The following TF variants were observed in gnomAD, a reference collection of about 807,000 sequenced individuals.
The protein encoded by TF is transferrin, also known as serotransferrin.
TF carries 55 observed loss-of-function variants against 82.4 expected under a neutral mutation model. That is an observed-to-expected ratio of 0.67 (90% CI 0.54 to 0.84). TF has a LOEUF of 0.84. TF is among the 40% of genes least tolerant of loss of function. The probability of loss-of-function intolerance (pLI) is 0.00; values close to 1 mark genes in which losing one functional copy is unlikely to be tolerated. For synonymous variants in TF, 332 were observed against 332.6 expected, an observed-to-expected ratio of 1.00 and a Z score of 0.02; for missense variants, 737 against 868.4, an observed-to-expected ratio of 0.85 and a Z score of 1.90.
chr3:133,731,856 A>C, the TF span, among the ~76,000 whole-genome samples: 1 of 152,196 alleles, frequency 6.6e-6, no homozygotes, highest in African/African-American at 2.4e-5. Flanking sequence ...CTCCAATCCC[A>C]TGCCCATTTT....
Position 133,781,671 on chromosome 3 carries a change from T to A in TF, c.*3051T>A, listed in dbSNP as rs1282474304. ...AACTAAAAAACAAAAGTGAGACAGA[T>A]AAGAAAAATTCTGATGAGAGTGGAA... On this transcript the variant is annotated 3_prime_UTR_variant, in exon 17 of 17. Coordinates refer to ENST00000402696, the MANE Select transcript of TF (RefSeq NM_001063.4). 6.6e-6 allele frequency: 1 copy of A among 152,110 alleles called. No homozygotes were observed. The highest frequency in any genetic ancestry group is 6.5e-5 in the Admixed American group (1 of 15,280). The allele number at this position is 152,110 out of a possible 1,614,324, so 9.4% of individuals were successfully genotyped here.
intron 8 of TF, 72 bp from the exon 9 acceptor site, chr3:133,759,103 G>T: frequency 6.3e-7 from 1 of 1,586,984 alleles, no homozygotes; most frequent in South Asian, 1.1e-5. Context: ...CATGAAGACA[G>T]TGAGTAGTGC....
chr3:133,712,565 G>A, the TF span: 3 of 152,366 alleles, frequency 2.0e-5, no homozygotes, highest in African/African-American at 7.3e-5. Context: ...AACTGAATGT[G>A]TCTTTATCAG....
intron 3 of TF, chr3:133,753,955 C>A (rs1576357147): frequency 1.7e-6 from 1 of 587,852 alleles, no homozygotes; most frequent in East Asian, 2.9e-5. Context: ...AGAAACACAG[C>A]AGGCTGTGTG....
rs539632415 is a variant in TF, at chr3:133,768,895, C to T, written c.1622+731C>T. Among the ~76,000 whole-genome samples, 10 of 148,868 alleles carry T rather than the reference C, an allele frequency of 6.7e-5. No homozygotes were observed. The East Asian group carries it at 8.0e-4, about 12-fold the overall frequency. On this transcript the variant is annotated intron_variant, in intron 13 of 16. Coordinates refer to ENST00000402696, the MANE Select transcript of TF (RefSeq NM_001063.4). ...GCAGCCTCAACCTGCTGAGCTCAAG[C>T]GATCCTCCCACCTCAGCCTCCCTAG...
At chr3:133,755,246 G>T (rs1933791653) in intron 4 of TF, 117 bp from the exon 5 acceptor site, 38 of 1,319,262 alleles carry the variant, frequency 2.9e-5, no homozygotes, top group Non-Finnish European at 3.6e-5. Context: ...AGCTGGGGCT[G>T]CATGTGCTGG....
chr3:133,718,003 G>T, the TF span, among the ~76,000 whole-genome samples: 1 of 152,020 alleles, frequency 6.6e-6, no homozygotes, highest in African/African-American at 2.4e-5. Flanking sequence ...CCAAGAACTG[G>T]CCCCTGTGCT....
At chr3:133,666,853 A>G in the TF span, among the ~76,000 whole-genome samples, 35 of 152,084 alleles carry the variant, frequency 2.3e-4, no homozygotes, top group African/African-American at 8.0e-4. Flanking sequence ...TGGCTAACAC[A>G]GTGAAACCTC....
chr3:133,743,606 G>C (rs1933433944), upstream of TF, among the ~76,000 whole-genome samples: 1 of 152,052 alleles, frequency 6.6e-6, no homozygotes, highest in South Asian at 2.1e-4. Flanking sequence ...CAGTTTCCTT[G>C]TCTCATCTGT....
At chr3:133,759,851 C>T (rs368840909) in intron 9 of TF, among the ~76,000 whole-genome samples, 1 of 151,928 alleles carries the variant, frequency 6.6e-6, no homozygotes, top group African/African-American at 2.4e-5. Context: ...AAGAATATTC[C>T]ATGTTGGCTT....
the TF span, among the ~76,000 whole-genome samples, chr3:133,668,204 C>T: frequency 6.6e-6 from 1 of 152,154 alleles, no homozygotes. Flanking sequence ...CTTTCTGAAC[C>T]CAACCAGAAA....
Position 133,779,326 on chromosome 3 carries a change from T to C in TF, c.*706T>C, listed in dbSNP as rs1162535322. ...GAGGCTGACTTTTCTGTCTCACTTA[T>C]TATTGGCTGAACATACAGAATTTGG... On this transcript the variant is annotated 3_prime_UTR_variant, in exon 17 of 17. Transcript: ENST00000402696. 6.6e-6 allele frequency: 1 copy of C among 152,458 alleles called. No individual in the cohort carries two copies. Among genetic ancestry groups the C allele is most frequent in the Non-Finnish European group, 1.5e-5 (1 of 68,254 alleles). The allele number at this position is 152,458 out of a possible 1,614,324, so 9.4% of individuals were successfully genotyped here. A position where few individuals can be genotyped will look rare whatever the true frequency, so the allele number is the denominator to read the frequency against.
At chr3:133,699,929 C>T in the TF span, 1 of 181,310 alleles carries the variant, frequency 5.5e-6, no homozygotes, top group Non-Finnish European at 1.2e-5. Context: ...TTCACATGAC[C>T]CTCTTCCTCC....
At chr3:133,668,836 A>C in the TF span, among the ~76,000 whole-genome samples, 1 of 152,174 alleles carries the variant, frequency 6.6e-6, no homozygotes, top group African/African-American at 2.4e-5. Context: ...GATGGCTGAC[A>C]GGAGTTGGTG....
upstream of TF, among the ~76,000 whole-genome samples, chr3:133,744,657 C>G (rs189594739): frequency 6.6e-5 from 10 of 152,326 alleles, no homozygotes; most frequent in African/African-American, 2.4e-4. Context: ...AGTGGTCACT[C>G]TCCCTCGCTG....
the TF span, among the ~76,000 whole-genome samples, chr3:133,682,065 C>T: frequency 2.0e-5 from 3 of 152,164 alleles, no homozygotes; most frequent in Non-Finnish European, 4.4e-5. Flanking sequence ...TCTGCAGGCT[C>T]CATTGGTGAT....
chr3:133,681,607 C>G, the TF span, among the ~76,000 whole-genome samples: 1 of 152,156 alleles, frequency 6.6e-6, no homozygotes, highest in East Asian at 1.9e-4. Context: ...TCATTGCTAG[C>G]ACAACAGTCT....
the TF span, among the ~76,000 whole-genome samples, chr3:133,736,457 T>A: frequency 6.6e-6 from 1 of 151,896 alleles, no homozygotes. Context: ...CATAACAATA[T>A]TAACCTTAAT....
chr3:133,686,264 A>T, the TF span, among the ~76,000 whole-genome samples: 9 of 152,320 alleles, frequency 5.9e-5, no homozygotes, highest in African/African-American at 2.2e-4. Flanking sequence ...AACCTAGGCA[A>T]TACCATTCAG....
Sources: gnomAD v4.1 joint callset for allele counts (sites outside exome capture counted in the v4.1 genomes callset) on GRCh38, gnomAD v4.1.1 for gene constraint, MANE v1.5 for transcripts, NCBI Gene and HGNC (gene_info 2026-07-23, HGNC 2026-07-21) for gene names.